The following IBTK variants were observed in gnomAD, a reference collection of about 807,000 sequenced individuals.
The protein encoded by IBTK is inhibitor of Bruton tyrosine kinase, also known as BTK-binding protein.
Under a neutral mutation model 154.9 loss-of-function variants are expected in IBTK, and 83 were observed. That is an observed-to-expected ratio of 0.54 (90% CI 0.45 to 0.64). IBTK has a LOEUF of 0.64. Among genes scored for constraint, IBTK ranks in the 30% least tolerant of loss-of-function variants. The pLI, the probability that IBTK is intolerant of heterozygous loss-of-function variation, is 0.00. For synonymous variants in IBTK, 515 were observed against 536.1 expected, an observed-to-expected ratio of 0.96 and a Z score of 0.54; for missense variants, 1,332 against 1,584.6, an observed-to-expected ratio of 0.84 and a Z score of 2.71.
intron 17 of IBTK, among the ~76,000 whole-genome samples, chr6:82,203,474 G>A (rs1360762107): frequency 6.6e-6 from 1 of 152,122 alleles, no homozygotes; most frequent in Non-Finnish European, 1.5e-5. Flanking sequence ...TGCAACTGCA[G>A]TCAATAATGG....
rs775116859 is a variant in IBTK, at chr6:82,234,124, C to T, written c.418+35G>A. 5.5e-6 allele frequency: 6 copies of T among 1,088,228 alleles called. No individual in the cohort carries two copies. In the South Asian group the frequency reaches 8.0e-5, roughly 14 times the overall value. 67.4% of individuals were successfully genotyped at this position (1,088,228 alleles called of 1,614,324 possible). A position where few individuals can be genotyped will look rare whatever the true frequency, so the allele number is the denominator to read the frequency against. On this transcript the variant is annotated intron_variant, in intron 3 of 28. Coordinates refer to ENST00000306270, the MANE Select transcript of IBTK (RefSeq NM_015525.4). Reference sequence around the variant, plus strand: ...AAATTGCTGGGATTACAGGTGTGAGCCGCAGCGCCCAGCCCATTTGTGAAA... The same window carrying T: ...AAATTGCTGGGATTACAGGTGTGAGTCGCAGCGCCCAGCCCATTTGTGAAA...
chr6:82,178,050 TTTTTAAAAAAGCATAC>T (rs1768181343), intron 26 of IBTK, among the ~76,000 whole-genome samples: 1 of 152,200 alleles, frequency 6.6e-6, no homozygotes, highest in African/African-American at 2.4e-5. Context: ...TAATATTTCC[TTTTTAAAAAAGCATAC>T]TTATTATGTT....
At chr6:82,229,176 T>C (rs1182413115) in intron 4 of IBTK, among the ~76,000 whole-genome samples, 1 of 152,156 alleles carries the variant, frequency 6.6e-6, no homozygotes, top group Non-Finnish European at 1.5e-5. Context: ...CTACCCACTG[T>C]GCTTGCTTCA....
chr6:82,183,785 T>C (rs1390936679), intron 25 of IBTK, among the ~76,000 whole-genome samples: 6 of 152,240 alleles, frequency 3.9e-5, no homozygotes, highest in Admixed American at 1.3e-4. Context: ...TAAATGTCAC[T>C]GTGATTGTAT....
chr6:82,171,266 TCATA>T lies in IBTK; in HGVS notation c.*155_*158del, dbSNP rs1026306637. On this transcript the variant is annotated 3_prime_UTR_variant, in exon 29 of 29. Coordinates refer to ENST00000306270, the MANE Select transcript of IBTK (RefSeq NM_015525.4). ...ACAATTCTGAGAAATTTATTTTTAA[TCATA>T]CAAACATTATATGATTTAACTGCAG... The T allele has an allele frequency of 6.5e-6, 3 of 464,042 alleles. No individual in the cohort carries two copies. The highest frequency in any genetic ancestry group is 4.0e-5 in the African/African-American group (2 of 49,436). 28.7% of individuals were successfully genotyped at this position (464,042 alleles called of 1,614,324 possible).
chr6:82,213,492 T>G (rs947820608), intron 12 of IBTK, among the ~76,000 whole-genome samples: 4 of 152,304 alleles, frequency 2.6e-5, no homozygotes, highest in Admixed American at 6.5e-5. Flanking sequence ...AATTTACATA[T>G]GACAAAACCA....
Position 82,170,126 on chromosome 6 carries a change from C to T in IBTK, c.*1299G>A, listed in dbSNP as rs1359026447. On this transcript the variant is annotated 3_prime_UTR_variant, in exon 29 of 29. Transcript: ENST00000306270. Reference sequence around the variant, plus strand: ...TTTTAAATCCGTCTTAGAATAAATACAGCATCAACTTAACCATATACTGGC... The same window carrying T: ...TTTTAAATCCGTCTTAGAATAAATATAGCATCAACTTAACCATATACTGGC... 6.6e-6 allele frequency: 1 copy of T among 152,252 alleles called. No homozygotes were observed. The highest frequency in any genetic ancestry group is 1.5e-5 in the Non-Finnish European group (1 of 68,036). 9.4% of individuals were successfully genotyped at this position (152,252 alleles called of 1,614,324 possible).
chr6:82,214,845 A>G lies in IBTK; in HGVS notation c.1602-16T>C, dbSNP rs1582227888. On this transcript the variant is annotated splice_polypyrimidine_tract_variant and intron_variant, in intron 11 of 28. Transcript: ENST00000306270. The stretch of plus-strand genomic sequence containing the variant: ...TTCATAAAGGCTAGAAAGAAGACAA[A>G]AACAAATTATGCTTCAAAAAATATG... The G allele has an allele frequency of 1.3e-6, 2 of 1,530,296 alleles. No homozygotes were observed. Among genetic ancestry groups the G allele is most frequent in the Non-Finnish European group, 1.8e-6 (2 of 1,139,310 alleles). The allele number at this position is 1,530,296 out of a possible 1,614,324, so 94.8% of individuals were successfully genotyped here.
Position 82,246,521 on chromosome 6 carries a change from T to C in IBTK, c.-358+1041A>G, listed in dbSNP as rs529258131. Among the ~76,000 whole-genome samples, 297 of 145,732 alleles carry C rather than the reference T, an allele frequency of 2.0e-3. 2 individuals are homozygous for C. The highest frequency in any genetic ancestry group is 3.4e-3 in the Non-Finnish European group (227 of 66,872). ...GTGCAGCGGCGCGATCTCGGCTCAC[T>C]GCAACCTCCACCTCCCGGGTTCAAG... On this transcript the variant is annotated intron_variant, in intron 1 of 28. Coordinates refer to ENST00000306270, the MANE Select transcript of IBTK (RefSeq NM_015525.4).
intron 2 of IBTK, among the ~76,000 whole-genome samples, chr6:82,239,386 T>A (rs556656113): frequency 1.6e-4 from 24 of 152,140 alleles, no homozygotes; most frequent in Admixed American, 1.6e-3. Flanking sequence ...GAGCTTGCCA[T>A]GATCCGAGAT....
intron 27 of IBTK, 191 bp downstream of exon 27, chr6:82,173,176 A>C (rs1187766352): frequency 1.2e-5 from 5 of 408,314 alleles, no homozygotes; most frequent in African/African-American, 4.1e-5. Context: ...TAAGTTTTGT[A>C]TTTTTAGTAA....
chr6:82,200,115 G>T, intron 21 of IBTK, 26 bp downstream of exon 21: 2 of 1,375,634 alleles, frequency 1.5e-6, no homozygotes, highest in Non-Finnish European at 2.1e-6. Context: ...ATTAGAACTG[G>T]AAATACATGC....
intron 26 of IBTK, among the ~76,000 whole-genome samples, chr6:82,180,277 C>T (rs1192215209): frequency 6.6e-6 from 1 of 151,678 alleles, no homozygotes; most frequent in East Asian, 1.9e-4. Context: ...ACGGGGTCTC[C>T]CTCTGTCACT....
intron 5 of IBTK, among the ~76,000 whole-genome samples, chr6:82,226,610 T>TG (rs1275653411): frequency 1.3e-5 from 2 of 151,152 alleles, no homozygotes; most frequent in African/African-American, 4.9e-5. Context: ...TTTTGTTTTT[T>TG]TTTTTTTCTT....
At chr6:82,216,023 A>C in intron 11 of IBTK, 53 bp downstream of exon 11, 1 of 1,399,770 alleles carries the variant, frequency 7.1e-7, no homozygotes. Flanking sequence ...GAAAACAAGA[A>C]AATTCAGTGA....
At chr6:82,222,422 T>G (rs1427775364) in intron 8 of IBTK, among the ~76,000 whole-genome samples, 1 of 152,186 alleles carries the variant, frequency 6.6e-6, no homozygotes, top group Non-Finnish European at 1.5e-5. Flanking sequence ...CAATGACCTA[T>G]TTAAGTACTT....
At chr6:82,194,420 C>CATTAA in intron 23 of IBTK, 59 bp downstream of exon 23, 2 of 1,085,452 alleles carry the variant, frequency 1.8e-6, no homozygotes, top group African/African-American at 3.3e-5. Flanking sequence ...AATTAAATTG[C>CATTAA]ATTAAAAATG....
At chr6:82,246,011 T>A (rs1025190437) in intron 1 of IBTK, among the ~76,000 whole-genome samples, 2 of 152,182 alleles carry the variant, frequency 1.3e-5, no homozygotes, top group African/African-American at 4.8e-5. Flanking sequence ...ATATAATCCT[T>A]ATTATTGCCC....
chr6:82,244,574 C>T (rs1771074282), intron 1 of IBTK, among the ~76,000 whole-genome samples: 1 of 152,112 alleles, frequency 6.6e-6, no homozygotes, highest in South Asian at 2.1e-4. Context: ...TCATATTGTT[C>T]CTGATAGTTT....
Sources: allele counts gnomAD v4.1 joint callset (sites outside exome capture counted in the v4.1 genomes callset), GRCh38; gene constraint gnomAD v4.1.1; transcripts MANE v1.5; gene names NCBI Gene and HGNC (gene_info 2026-07-23, HGNC 2026-07-21).